Variants in ANGPT1 observed in about 807,000 individuals in gnomAD.
ANGPT1 encodes angiopoietin-1.
Under a neutral mutation model 62.2 loss-of-function variants are expected in ANGPT1, and 17 were observed. The ratio of observed to expected loss-of-function variants is 0.27; its 90% CI spans 0.19 to 0.41. The LOEUF is 0.41. Ranked by LOEUF, ANGPT1 falls within the 10% of genes least tolerant of loss-of-function variation. ANGPT1 has a pLI of 1.00. For synonymous variants in ANGPT1, 199 were observed against 198.9 expected, an observed-to-expected ratio of 1.00 and a Z score of 0.00; for missense variants, 478 against 594.9, an observed-to-expected ratio of 0.80 and a Z score of 2.04.
At chr8:107,280,357 C>T (rs1027821234) in intron 7 of ANGPT1, among the ~76,000 whole-genome samples, 12 of 152,162 alleles carry the variant, frequency 7.9e-5, no homozygotes, top group Middle Eastern at 3.4e-3. Flanking sequence ...TGTGCTACCA[C>T]GCCCGGCTAA....
At chr8:107,310,987 GTGTGTA>G (rs1814844619) in intron 4 of ANGPT1, among the ~76,000 whole-genome samples, 3 of 150,764 alleles carry the variant, frequency 2.0e-5, no homozygotes, top group South Asian at 4.2e-4. Flanking sequence ...ATGTGAGTGT[GTGTGTA>G]TGTGTGTGAC....
chr8:107,284,633 A>ACAACTCCC (rs1236700797), intron 7 of ANGPT1, 49 bp downstream of exon 7: 2 of 1,324,102 alleles, frequency 1.5e-6, no homozygotes, highest in African/African-American at 3.0e-5. Context: ...TACAATTATT[A>ACAACTCCC]AGTGGCTAGG....
At chr8:107,267,075 G>A (rs1020796060) in intron 7 of ANGPT1, among the ~76,000 whole-genome samples, 5 of 151,724 alleles carry the variant, frequency 3.3e-5, no homozygotes, top group African/African-American at 9.7e-5. Flanking sequence ...ATACGTATCT[G>A]AACACATTCT....
intron 1 of ANGPT1, among the ~76,000 whole-genome samples, chr8:107,352,924 G>A (rs1815963546): frequency 6.6e-6 from 1 of 151,496 alleles, no homozygotes; most frequent in East Asian, 1.9e-4. Context: ...TAAATCAATG[G>A]CAATATTTAA....
intron 7 of ANGPT1, among the ~76,000 whole-genome samples, chr8:107,268,406 TTGTGTGTGTG>T (rs10655133): frequency 2.1e-5 from 3 of 144,556 alleles, no homozygotes; most frequent in Non-Finnish European, 3.1e-5. Context: ...ACATGTAGGG[TTGTGTGTGTG>T]TGTGTGTGTG....
chr8:107,274,399 G>A (rs557287242), intron 7 of ANGPT1, among the ~76,000 whole-genome samples: 2 of 152,260 alleles, frequency 1.3e-5, no homozygotes, highest in South Asian at 4.1e-4. Flanking sequence ...GTAAAGTTAT[G>A]TAGGTAAAAG....
intron 1 of ANGPT1, among the ~76,000 whole-genome samples, chr8:107,469,094 T>C (rs1439334058): frequency 1.3e-5 from 2 of 152,018 alleles, no homozygotes; most frequent in African/African-American, 4.8e-5. Context: ...TACTTTTTCT[T>C]TGTTTGCAAA....
At chr8:107,273,544 T>C (rs1813789617) in intron 7 of ANGPT1, among the ~76,000 whole-genome samples, 1 of 152,050 alleles carries the variant, frequency 6.6e-6, no homozygotes, top group African/African-American at 2.4e-5. Context: ...AGATGTCCTC[T>C]AAATACTTGC....
intron 1 of ANGPT1, among the ~76,000 whole-genome samples, chr8:107,478,041 C>T (rs1253628434): frequency 6.8e-6 from 1 of 147,606 alleles, no homozygotes; most frequent in African/African-American, 2.5e-5. Flanking sequence ...ATGGAAAAAC[C>T]CTGTTCCAAA....
intron 1 of ANGPT1, among the ~76,000 whole-genome samples, chr8:107,388,787 A>G (rs544192575): frequency 2.6e-5 from 4 of 152,226 alleles, no homozygotes; most frequent in Middle Eastern, 3.4e-3. Context: ...TTCCTGTGTT[A>G]TTTTCCTGCT....
intron 1 of ANGPT1, among the ~76,000 whole-genome samples, chr8:107,438,829 G>C (rs906181474): frequency 6.6e-6 from 1 of 151,856 alleles, no homozygotes; most frequent in Non-Finnish European, 1.5e-5. Flanking sequence ...GTTTAGAGAG[G>C]GCAGGATTAA....
chr8:107,252,188 G>T (rs752761173), intron 8 of ANGPT1, among the ~76,000 whole-genome samples, 173 bp from the exon 9 acceptor site: 1 of 152,172 alleles, frequency 6.6e-6, no homozygotes, highest in Non-Finnish European at 1.5e-5. Context: ...TGTTTTAAAT[G>T]ACTTCTGATT....
chr8:107,472,790 C>T lies in ANGPT1; in HGVS notation c.297+24472G>A, dbSNP rs146593387. Among the ~76,000 whole-genome samples the T allele has an allele frequency of 7.1e-3, 1,083 of 152,158 alleles. 10 individuals are homozygous for T. The highest frequency in any genetic ancestry group is 0.025 in the African/African-American group (1,022 of 41,550). On this transcript the variant is annotated intron_variant, in intron 1 of 8. Transcript: ENST00000517746. ...TCACACATACACACACTCACACACA[C>T]ATACATATAAGAACATTATGTCTTA...
chr8:107,273,927 A>T lies in ANGPT1; in HGVS notation c.1206-9576T>A, dbSNP rs868630055. 3.4e-3 allele frequency among the ~76,000 whole-genome samples: 455 copies of T among 133,428 alleles called. 2 individuals are homozygous for T. Among genetic ancestry groups the T allele is most frequent in the African/African-American group, 0.011 (424 of 36,960 alleles). 87.5% of individuals were successfully genotyped at this position (133,428 alleles called of 152,430 possible). On this transcript the variant is annotated intron_variant, in intron 7 of 8. Transcript: ENST00000517746. ...GGAAAAAGTCCTTGGCTTCATCATT[A>T]AAAAAAAAAAAAAAGATCTATGGTT...
intron 7 of ANGPT1, among the ~76,000 whole-genome samples, chr8:107,275,276 T>C (rs1218037241): frequency 6.6e-6 from 1 of 152,080 alleles, no homozygotes; most frequent in Non-Finnish European, 1.5e-5. Flanking sequence ...AAGCAGCGGT[T>C]CTCCTTTCTC....
In ANGPT1 at chr8:107,423,330, T is replaced by C. The variant is rs563023670; in HGVS notation, c.297+73932A>G. Among the ~76,000 whole-genome samples, 13 of 152,346 alleles carry C rather than the reference T, an allele frequency of 8.5e-5. 1 individual carries two copies. In the South Asian group the frequency reaches 2.3e-3, roughly 27 times the overall value. On this transcript the variant is annotated intron_variant, in intron 1 of 8. Transcript: ENST00000517746. ...TGGTTGCACCAGGTGCAGGGAGTGC[T>C]GACTGCTGAGGACTTATAGCTGTAC...
At chr8:107,265,837 CTT>C (rs1219399912) in intron 7 of ANGPT1, among the ~76,000 whole-genome samples, 1 of 152,030 alleles carries the variant, frequency 6.6e-6, no homozygotes, top group Non-Finnish European at 1.5e-5. Context: ...TATATTTTAA[CTT>C]GTGTTTTCAT....
intron 1 of ANGPT1, among the ~76,000 whole-genome samples, chr8:107,471,397 C>T (rs1586350447): frequency 6.6e-6 from 1 of 151,942 alleles, no homozygotes; most frequent in East Asian, 1.9e-4. Context: ...CACACTGGGG[C>T]CTGTCAGGCT....
intron 1 of ANGPT1, among the ~76,000 whole-genome samples, chr8:107,416,520 A>G (rs2130367853): frequency 6.6e-6 from 1 of 152,270 alleles, no homozygotes; most frequent in African/African-American, 2.4e-5. Flanking sequence ...GGCTTCCCTG[A>G]GTTCAGCTGT....
Sources: allele counts gnomAD v4.1 joint callset (sites outside exome capture counted in the v4.1 genomes callset), GRCh38; gene constraint gnomAD v4.1.1; transcripts MANE v1.5; gene names NCBI Gene and HGNC (gene_info 2026-07-23, HGNC 2026-07-21).